Variants in PTPRD observed in about 807,000 individuals in gnomAD.
PTPRD encodes the protein receptor-type tyrosine-protein phosphatase delta.
Under a neutral mutation model 214.5 loss-of-function variants are expected in PTPRD, and 34 were observed. The ratio of observed to expected loss-of-function variants is 0.16; its 90% CI spans 0.12 to 0.21. PTPRD has a LOEUF of 0.21. PTPRD is among the 10% of genes least tolerant of loss of function. The probability of loss-of-function intolerance (pLI) is 1.00; values close to 1 mark genes in which losing one functional copy is unlikely to be tolerated. For synonymous variants in PTPRD, 1,128 were observed against 845.7 expected (o/e 1.33, Z -5.79); for missense variants, 2,545 against 2,398.7 (o/e 1.06, Z -1.27).
intron 6 of PTPRD, among the ~76,000 whole-genome samples, chr9:9,739,863 T>C (rs996562622): frequency 2.0e-5 from 3 of 152,138 alleles, no homozygotes; most frequent in Non-Finnish European, 4.4e-5. Context: ...TCACTTGTAA[T>C]ACTGGCTTTC....
intron 2 of PTPRD, among the ~76,000 whole-genome samples, chr9:10,598,716 G>GTGGTGTGTA (rs1555603081): frequency 1.5e-5 from 1 of 68,924 alleles, no homozygotes; most frequent in Non-Finnish European, 3.7e-5. Context: ...TGTGTGGTGT[G>GTGGTGTGTA]TGTGTGTGTG....
intron 5 of PTPRD, among the ~76,000 whole-genome samples, chr9:9,809,359 T>G (rs1008972970): frequency 6.6e-6 from 1 of 150,688 alleles, no homozygotes; most frequent in Non-Finnish European, 1.5e-5. Flanking sequence ...GTTCCACCTC[T>G]TGGGTTCACA....
chr9:8,427,557 G>T (rs192894691), intron 35 of PTPRD, among the ~76,000 whole-genome samples: 127 of 152,158 alleles, frequency 8.3e-4, no homozygotes, highest in African/African-American at 2.6e-3. Flanking sequence ...ACCCAGAGAG[G>T]CTTGATCACA....
chr9:10,570,410 T>C (rs1307182150), intron 2 of PTPRD, among the ~76,000 whole-genome samples: 2 of 152,098 alleles, frequency 1.3e-5, no homozygotes, highest in African/African-American at 4.8e-5. Flanking sequence ...GTGTGTTCTC[T>C]CTCTCAATTC....
Position 9,883,502 on chromosome 9 carries a change from G to C in PTPRD, c.-368+55005C>G, listed in dbSNP as rs113497374. Among the ~76,000 whole-genome samples the C allele has an allele frequency of 2.2e-4, 33 of 152,248 alleles. 1 individual carries two copies. The highest frequency in any genetic ancestry group is 7.7e-4 in the African/African-American group (32 of 41,556). The stretch of plus-strand genomic sequence containing the variant: ...AATCAGGGGATACTAAATGTGCAAA[G>C]ATGTTTCAGGTACTTCCCGGTTTTC... On this transcript the variant is annotated intron_variant, in intron 5 of 45. Transcript: ENST00000381196.
chr9:8,479,350 C>T (rs944951720), intron 30 of PTPRD, among the ~76,000 whole-genome samples: 25 of 152,278 alleles, frequency 1.6e-4, no homozygotes, highest in African/African-American at 5.8e-4. Flanking sequence ...CTCATTTCTT[C>T]CCCAAAGTGG....
chr9:8,648,643 T>A (rs1402564980), intron 12 of PTPRD, among the ~76,000 whole-genome samples: 1 of 152,236 alleles, frequency 6.6e-6, no homozygotes, highest in African/African-American at 2.4e-5. Context: ...AATAGAGTGA[T>A]AAAAGGCCCT....
intron 5 of PTPRD, among the ~76,000 whole-genome samples, chr9:9,875,017 G>A (rs1176181001): frequency 6.6e-6 from 1 of 152,062 alleles, no homozygotes; most frequent in Non-Finnish European, 1.5e-5. Context: ...TGCTACAAAG[G>A]ATTCTGAGAA....
intron 10 of PTPRD, among the ~76,000 whole-genome samples, chr9:9,066,783 G>T (rs2099735199): frequency 6.6e-6 from 1 of 152,174 alleles, no homozygotes; most frequent in South Asian, 2.1e-4. Flanking sequence ...AAGATAAACG[G>T]GACGGGCTTT....
At chr9:9,061,705 A>T (rs2099707714) in intron 10 of PTPRD, among the ~76,000 whole-genome samples, 1 of 152,148 alleles carries the variant, frequency 6.6e-6, no homozygotes, top group South Asian at 2.1e-4. Flanking sequence ...AAATCCTCTG[A>T]TCTGTTCACT....
chr9:10,027,083 T>C lies in PTPRD; in HGVS notation c.-472+6635A>G, dbSNP rs533626146. On this transcript the variant is annotated intron_variant, in intron 4 of 45. Coordinates refer to ENST00000381196, the MANE Select transcript of PTPRD (RefSeq NM_002839.4). ...AAAAAGGGGCAATTCTTTCTATTAA[T>C]TCAGTTCACTCTGGCCATTGATAGG... 1.1e-4 allele frequency among the ~76,000 whole-genome samples: 17 copies of C among 152,268 alleles called. No individual in the cohort carries two copies. In the East Asian group the frequency reaches 2.5e-3, roughly 22 times the overall value.
intron 5 of PTPRD, among the ~76,000 whole-genome samples, chr9:9,917,204 G>C (rs1422474609): frequency 7.8e-6 from 1 of 128,402 alleles, no homozygotes; most frequent in East Asian, 2.4e-4. Flanking sequence ...AGATCAAGCA[G>C]AAGTAAACAA....
At chr9:10,404,113 T>C (rs533794637) in intron 2 of PTPRD, among the ~76,000 whole-genome samples, 1 of 151,842 alleles carries the variant, frequency 6.6e-6, no homozygotes, top group South Asian at 2.1e-4. Flanking sequence ...CAAACTGTAC[T>C]TTCCGTTCAA....
Position 9,931,819 on chromosome 9 carries a change from A to G in PTPRD, c.-368+6688T>C, listed in dbSNP as rs904682160. ...ACAGCAGTAACCTCTGCAGACTTAA[A>G]TGTCCCTGTCTGACAGCTTTGAAGA... On this transcript the variant is annotated intron_variant, in intron 5 of 45. Transcript: ENST00000381196. Among the ~76,000 whole-genome samples, 9 of 151,200 alleles carry G rather than the reference A, an allele frequency of 6.0e-5. No homozygotes were observed. The East Asian group carries it at 7.9e-4, about 13-fold the overall frequency.
intron 6 of PTPRD, among the ~76,000 whole-genome samples, chr9:9,752,673 T>C (rs2098532216): frequency 6.6e-6 from 1 of 151,904 alleles, no homozygotes; most frequent in Non-Finnish European, 1.5e-5. Flanking sequence ...CCTCAAAAGT[T>C]TCATTTGGGG....
chr9:8,444,430 A>T (rs1470880457), intron 34 of PTPRD, among the ~76,000 whole-genome samples: 1 of 152,150 alleles, frequency 6.6e-6, no homozygotes, highest in Non-Finnish European at 1.5e-5. Flanking sequence ...TACATACACA[A>T]ATTAATTCTG....
At chr9:10,253,258 G>T (rs1230615651) in intron 3 of PTPRD, among the ~76,000 whole-genome samples, 1 of 152,170 alleles carries the variant, frequency 6.6e-6, no homozygotes, top group Non-Finnish European at 1.5e-5. Context: ...TATCTTAAGG[G>T]ACTGTGGGTC....
At chr9:8,788,578 A>G (rs192766693) in intron 11 of PTPRD, among the ~76,000 whole-genome samples, 1 of 152,272 alleles carries the variant, frequency 6.6e-6, no homozygotes, top group Non-Finnish European at 1.5e-5. Context: ...CCCGGCCAAG[A>G]TGATATTTTT....
chr9:9,877,934 T>C (rs1019388585), intron 5 of PTPRD, among the ~76,000 whole-genome samples: 9 of 145,376 alleles, frequency 6.2e-5, no homozygotes, highest in African/African-American at 1.6e-4. Flanking sequence ...GATCACGCCA[T>C]TGCACTCCAA....
Sources: allele counts gnomAD v4.1 joint callset (sites outside exome capture counted in the v4.1 genomes callset), GRCh38; gene constraint gnomAD v4.1.1; transcripts MANE v1.5; gene names NCBI Gene and HGNC (gene_info 2026-07-23, HGNC 2026-07-21).